The following TOP1MT variants were observed in gnomAD, a reference collection of about 807,000 sequenced individuals.
TOP1MT encodes the protein DNA topoisomerase I mitochondrial, also known as DNA topoisomerase I, mitochondrial.
Under a neutral mutation model 73.9 loss-of-function variants are expected in TOP1MT, and 80 were observed. The observed-to-expected ratio is 1.08, with a 90% confidence interval of 0.90 to 1.30. The LOEUF (loss-of-function observed/expected upper bound fraction) is 1.30, where lower values mean the gene tolerates loss of function less well. Among genes scored for constraint, TOP1MT ranks in the 50% most tolerant of loss-of-function variants. TOP1MT has a pLI of 0.00. For missense variants in TOP1MT, 815 were observed against 808.0 expected, an observed-to-expected ratio of 1.01 and a Z score of -0.10; for synonymous variants, 338 against 326.4, an observed-to-expected ratio of 1.04 and a Z score of -0.38.
chr8:143,319,066 G>A (rs1460863140), intron 8 of TOP1MT, among the ~76,000 whole-genome samples: 1 of 152,092 alleles, frequency 6.6e-6, no homozygotes, highest in Non-Finnish European at 1.5e-5. Flanking sequence ...CCACGGCAGG[G>A]GCACTGTGGT....
At chr8:143,333,626 C>T (rs1485025796) in intron 1 of TOP1MT, among the ~76,000 whole-genome samples, 1 of 152,204 alleles carries the variant, frequency 6.6e-6, no homozygotes, top group Non-Finnish European at 1.5e-5. Context: ...TGCGCTCAAG[C>T]CCAACTGAGG....
intron 12 of TOP1MT, among the ~76,000 whole-genome samples, chr8:143,313,677 A>G (rs1816073442): frequency 6.6e-6 from 1 of 151,556 alleles, no homozygotes; most frequent in African/African-American, 2.4e-5. Context: ...AACATGGTGA[A>G]ACCCCGTCTC....
intron 2 of TOP1MT, 92 bp downstream of exon 2, chr8:143,331,130 AGG>A: frequency 2.1e-6 from 2 of 952,074 alleles, no homozygotes; most frequent in Non-Finnish European, 3.2e-6. Flanking sequence ...AGAAGCCTGC[AGG>A]GGGGCTGAGG....
At position 143,314,609 on chromosome 8, in the gene TOP1MT, C is replaced by T. The variant is rs1430257930; in HGVS notation, c.1553+1118G>A. 4.5e-5 allele frequency among the ~76,000 whole-genome samples: 6 copies of T among 134,634 alleles called. No homozygotes were observed. The East Asian group carries it at 1.1e-3, about 25-fold the overall frequency. 88.3% of individuals were successfully genotyped at this position (134,634 alleles called of 152,430 possible). On this transcript the variant is annotated intron_variant, in intron 12 of 13. Transcript: ENST00000329245. ...ATCTCAAAAAAAAAAAAAAAAAAATCACAAAATAACAATTGAAGAGGAAAA... is the reference window on the plus strand; with the variant it reads ...ATCTCAAAAAAAAAAAAAAAAAAATTACAAAATAACAATTGAAGAGGAAAA...
chr8:143,323,788 ACG>A (rs537372725), intron 7 of TOP1MT, among the ~76,000 whole-genome samples: 11,414 of 151,212 alleles, frequency 0.075, 588 homozygotes, highest in Non-Finnish European at 0.1. Flanking sequence ...GGCACACCAC[ACG>A]CACAAGTGCA....
At chr8:143,314,656 G>A (rs56904972) in intron 12 of TOP1MT, among the ~76,000 whole-genome samples, 1,840 of 151,924 alleles carry the variant, frequency 0.012, 41 homozygotes, top group African/African-American at 0.042. Context: ...ATGGGAAGGC[G>A]CGTCTGAAGC....
chr8:143,327,769 G>GA (rs1563764284), intron 3 of TOP1MT: 4 of 303,508 alleles, frequency 1.3e-5, no homozygotes, highest in South Asian at 5.2e-5. Flanking sequence ...TCAGGCCAAA[G>GA]AAGAGGGTCC....
intron 1 of TOP1MT, chr8:143,331,685 C>T (rs929234815): frequency 5.2e-5 from 11 of 211,866 alleles, no homozygotes; most frequent in East Asian, 3.0e-4. Context: ...CCTTCAGAGC[C>T]GGTCTAGAAT....
At position 143,318,081 on chromosome 8, in the gene TOP1MT, G is replaced by A. The variant is rs757137348; in HGVS notation, c.1152C>T (p.Tyr384=). 2 of 1,613,934 alleles carry A rather than the reference G, an allele frequency of 1.2e-6. No individual in the cohort carries two copies. The highest frequency in any genetic ancestry group is 1.1e-5 in the South Asian group (1 of 91,086). The change falls in exon 9 of 14, where the codon TAC becomes TAT. Residue 384 remains tyrosine, a synonymous_variant. Transcript: ENST00000329245. The stretch of plus-strand genomic sequence containing the variant: ...TCTCCATAAAGAGCTGTAAGTTCTT[G>A]TACACCTGAAGGAGAAAGAAGGAAT... ...YNRVPVEKPV[Y]KNLQLFMENK...
chr8:143,345,837 A>G (rs570285709), upstream of TOP1MT, among the ~76,000 whole-genome samples: 16 of 152,338 alleles, frequency 1.1e-4, no homozygotes, highest in South Asian at 3.3e-3. Context: ...TGCTTTTCAA[A>G]CAAACCGTTA....
At chr8:143,354,661 G>C (rs796192277) in intron 1 of TOP1MT, among the ~76,000 whole-genome samples, 1 of 151,776 alleles carries the variant, frequency 6.6e-6, no homozygotes. Context: ...GCGGTGAGCC[G>C]AGATAGTGCC....
intron 7 of TOP1MT, among the ~76,000 whole-genome samples, chr8:143,322,133 G>A (rs1205822388): frequency 9.0e-5 from 3 of 33,422 alleles, no homozygotes; most frequent in African/African-American, 1.3e-4. Flanking sequence ...ACACAGGCAC[G>A]CCACACAGGC....
At chr8:143,336,193 G>A (rs1816979028), upstream of TOP1MT, among the ~76,000 whole-genome samples, 1 of 152,080 alleles carries the variant, frequency 6.6e-6, no homozygotes. Context: ...GTAGAGATGG[G>A]GTCTCCCTAT....
upstream of TOP1MT, chr8:143,359,123 T>C (rs1341489330): frequency 3.5e-5 from 25 of 709,572 alleles, no homozygotes; most frequent in Non-Finnish European, 4.1e-5. Flanking sequence ...ATTATAGGTG[T>C]GAGCCACCGC....
chr8:143,330,928 C>T (rs1157316861), intron 2 of TOP1MT, among the ~76,000 whole-genome samples: 2 of 90,504 alleles, frequency 2.2e-5, no homozygotes, highest in Non-Finnish European at 4.4e-5. Context: ...ACAGGGAACA[C>T]AGTGGTGCGG....
upstream of TOP1MT, among the ~76,000 whole-genome samples, chr8:143,356,458 A>G (rs1817408982): frequency 6.6e-6 from 1 of 152,250 alleles, no homozygotes; most frequent in Admixed American, 6.5e-5. Flanking sequence ...TAAGTAAATG[A>G]TCAAAAAAGC....
rs747983627 is a variant in TOP1MT at position 143,309,724 on chromosome 8, A to G, written c.1704-181T>C. The G allele has an allele frequency of 2.7e-5, 42 of 1,527,624 alleles. No homozygotes were observed. In the African/African-American group the frequency reaches 4.8e-4, roughly 17 times the overall value. 94.6% of individuals were successfully genotyped at this position (1,527,624 alleles called of 1,614,324 possible). A position where few individuals can be genotyped will look rare whatever the true frequency, so the allele number is the denominator to read the frequency against. On this transcript the variant is annotated intron_variant, in intron 13 of 13. Coordinates refer to ENST00000329245, the MANE Select transcript of TOP1MT (RefSeq NM_052963.3). ...ACGCATGCCGCCACCCTGGAGCATC[A>G]GCGAGGTGTCAAAGACAACCTGCTG...
rs1191540665 is a variant in TOP1MT, at chr8:143,344,166, T to C, written c.-39+750A>G. On this transcript the variant is annotated intron_variant, in intron 1 of 5. Transcript: ENST00000518007. The surrounding 1 kb of genome is among the most constrained non-coding windows in gnomAD (Gnocchi z 4.6). Reference sequence around the variant, plus strand: ...CCCTCAAGGATGGGGCCCTCAAAGATGACACCAAGGTCTGTGCTTGAGAAG... The same window carrying C: ...CCCTCAAGGATGGGGCCCTCAAAGACGACACCAAGGTCTGTGCTTGAGAAG... 6.6e-6 allele frequency: 1 copy of C among 152,120 alleles called. No homozygotes were observed. The highest frequency in any genetic ancestry group is 2.4e-5 in the African/African-American group (1 of 41,394). 9.4% of individuals were successfully genotyped at this position (152,120 alleles called of 1,614,324 possible). A position where few individuals can be genotyped will look rare whatever the true frequency, so the allele number is the denominator to read the frequency against.
chr8:143,322,666 G>A lies in TOP1MT; in HGVS notation c.961-1280C>T, dbSNP rs879072972. 3.3e-3 allele frequency among the ~76,000 whole-genome samples: 237 copies of A among 72,414 alleles called. 24 individuals carry two copies. Among genetic ancestry groups the A allele is most frequent in the East Asian group, 4.9e-3 (11 of 2,224 alleles). 47.5% of individuals were successfully genotyped at this position (72,414 alleles called of 152,430 possible). ...CGCCACACGCACACCACACACGCAC[G>A]CCACACACGCACGCCACACACGCAC... On this transcript the variant is annotated intron_variant, in intron 7 of 13. Transcript: ENST00000329245.
Sources: allele counts gnomAD v4.1 joint callset (sites outside exome capture counted in the v4.1 genomes callset), GRCh38; gene constraint gnomAD v4.1.1; non-coding constraint Gnocchi (gnomAD v3.1); transcripts MANE v1.5; gene names NCBI Gene and HGNC (gene_info 2026-07-23, HGNC 2026-07-21).